MYB: variants seen among roughly 807,000 people sequenced by gnomAD.
MYB encodes the protein MYB proto-oncogene, transcription factor, also known as transcriptional activator Myb.
A neutral mutation model predicts 92.9 loss-of-function variants in MYB; 28 were observed. The ratio of observed to expected loss-of-function variants is 0.30; its 90% CI spans 0.22 to 0.41. The LOEUF (loss-of-function observed/expected upper bound fraction) is 0.41, where lower values mean the gene tolerates loss of function less well. Ranked by LOEUF, MYB falls within the 10% of genes least tolerant of loss-of-function variation. The pLI is 1.00. For missense variants in MYB, 679 were observed against 929.3 expected (o/e 0.73, Z 3.50); for synonymous variants, 295 against 329.1 (o/e 0.90, Z 1.12).
At chr6:135,194,024 G>A in intron 7 of MYB, 106 bp downstream of exon 7, 2 of 901,492 alleles carry the variant, frequency 2.2e-6, no homozygotes, top group Non-Finnish European at 3.5e-6. Flanking sequence ...AAAAAGGAAA[G>A]GGAACATGGA....
chr6:135,186,099 A>G lies in MYB; in HGVS notation c.141+79A>G. ...AAAAACAAAATTTCAACTAAACTAC[A>G]GGTGCTCAAGCTCATTAGCAGGCTC... On this transcript the variant is annotated intron_variant, in intron 2 of 15. Transcript: ENST00000341911. 2.5e-6 allele frequency: 3 copies of G among 1,204,182 alleles called. No individual in the cohort carries two copies. In the South Asian group the frequency reaches 3.9e-5, roughly 16 times the overall value. 74.6% of individuals were successfully genotyped at this position (1,204,182 alleles called of 1,614,324 possible).
intron 15 of MYB, among the ~76,000 whole-genome samples, chr6:135,210,137 T>C (rs984669711): frequency 3.3e-5 from 5 of 152,256 alleles, no homozygotes; most frequent in South Asian, 2.1e-4. Context: ...AAGCACATTA[T>C]GCTAATCAAC....
At position 135,193,920 on chromosome 6, in the gene MYB, T is replaced by C; in HGVS notation, c.843+2T>C. 6.3e-7 allele frequency: 1 copy of C among 1,595,830 alleles called. No individual in the cohort carries two copies. Among genetic ancestry groups the C allele is most frequent in the African/African-American group, 1.3e-5 (1 of 74,626 alleles). ...CAGCCAGCTGCCGCAGCCATTCAGG[T>C]AAGATCATTGATCATTCACTGTTCA... On this transcript the variant is annotated splice_donor_variant, in intron 7 of 15. Coordinates refer to ENST00000341911, the MANE Select transcript of MYB (RefSeq NM_001130173.2). LOFTEE classifies it high-confidence loss of function.
Position 135,182,669 on chromosome 6 carries a change from C to A in MYB, c.23+1133C>A, listed in dbSNP as rs1775253339. Among the ~76,000 whole-genome samples, 1 of 152,230 alleles carries A rather than the reference C, an allele frequency of 6.6e-6. No homozygotes were observed. The highest frequency in any genetic ancestry group is 2.1e-4 in the South Asian group (1 of 4,832). On this transcript the variant is annotated intron_variant, in intron 1 of 15. Transcript: ENST00000341911. This position sits in a 1 kb window ranked among gnomAD's most constrained non-coding sequence, Gnocchi z 5.6. The stretch of plus-strand genomic sequence containing the variant: ...AGACCCTCGCGAAGGAGTTCTAAGG[C>A]GAAGTCCATGGAGGCAAAGCAAATC...
At chr6:135,184,076 A>T (rs1471955188) in intron 1 of MYB, among the ~76,000 whole-genome samples, 1 of 152,142 alleles carries the variant, frequency 6.6e-6, no homozygotes, top group Non-Finnish European at 1.5e-5. Flanking sequence ...CTGGGTTGTT[A>T]AACCGCTGCG....
rs1225545813 is a variant in MYB at position 135,190,793 on chromosome 6, T to C, written c.527+446T>C. On this transcript the variant is annotated intron_variant, in intron 5 of 15. Coordinates refer to ENST00000341911, the MANE Select transcript of MYB (RefSeq NM_001130173.2). This position sits in a 1 kb window ranked among gnomAD's most constrained non-coding sequence, Gnocchi z 4.5. ...ACCATCATTCATTTCTTTTATTTTT[T>C]TTAATTATTATTTTTTAGAGACAGA... 6.6e-6 allele frequency among the ~76,000 whole-genome samples: 1 copy of C among 152,174 alleles called. No individual in the cohort carries two copies. The highest frequency in any genetic ancestry group is 1.9e-4 in the East Asian group (1 of 5,200).
In MYB at chr6:135,182,831, T is replaced by C. The variant is rs1224831051; in HGVS notation, c.23+1295T>C. 6.8e-6 allele frequency among the ~76,000 whole-genome samples: 1 copy of C among 148,034 alleles called. No homozygotes were observed. Among genetic ancestry groups the C allele is most frequent in the Non-Finnish European group, 1.5e-5 (1 of 67,052 alleles). On this transcript the variant is annotated intron_variant, in intron 1 of 15. Coordinates refer to ENST00000341911, the MANE Select transcript of MYB (RefSeq NM_001130173.2). This position sits in a 1 kb window ranked among gnomAD's most constrained non-coding sequence, Gnocchi z 5.6. ...CTGCAGCAGCACCCGCGGGCTGGGC[T>C]GGGCGGGGAGCAGCGCCGGGGCTTG...
At chr6:135,200,882 T>C (rs987193894) in intron 13 of MYB, among the ~76,000 whole-genome samples, 1 of 152,010 alleles carries the variant, frequency 6.6e-6, no homozygotes, top group South Asian at 2.1e-4. Flanking sequence ...TTCGAGATCA[T>C]CCTGGCTAAC....
intron 15 of MYB, among the ~76,000 whole-genome samples, chr6:135,208,880 C>T (rs1272892560): frequency 1.3e-5 from 2 of 152,150 alleles, no homozygotes; most frequent in African/African-American, 4.8e-5. Flanking sequence ...GAAACAATTT[C>T]ACACATTGCA....
chr6:135,218,042 T>C lies in MYB; in HGVS notation c.*62T>C. On this transcript the variant is annotated 3_prime_UTR_variant, in exon 16 of 16. Transcript: ENST00000341911. ...TTCAAGTTGACTTGGGATATATCATTCCTCAACATGAAACTTTTCATGAAT... is the reference window on the plus strand; with the variant it reads ...TTCAAGTTGACTTGGGATATATCATCCCTCAACATGAAACTTTTCATGAAT... 1 of 1,303,314 alleles carries C rather than the reference T, an allele frequency of 7.7e-7. No individual in the cohort carries two copies. Among genetic ancestry groups the C allele is most frequent in the Non-Finnish European group, 1.1e-6 (1 of 899,058 alleles). 80.7% of individuals were successfully genotyped at this position (1,303,314 alleles called of 1,614,324 possible).
intron 15 of MYB, chr6:135,203,856 C>A: frequency 8.1e-7 from 1 of 1,230,038 alleles, no homozygotes. Flanking sequence ...TGACCATCTG[C>A]TGTCAGGTTT....
chr6:135,183,072 T>G (rs1469018156), intron 1 of MYB, among the ~76,000 whole-genome samples: 2 of 91,266 alleles, frequency 2.2e-5, no homozygotes, highest in Non-Finnish European at 4.2e-5. Context: ...CGGGCAGGGG[T>G]GCTGGGAGGA....
Position 135,203,244 on chromosome 6 carries a change from G to C in MYB, c.2089G>C (p.Ala697Pro). 6.2e-7 allele frequency: 1 copy of C among 1,608,916 alleles called. No individual in the cohort carries two copies. Among genetic ancestry groups the C allele is most frequent in the Non-Finnish European group, 8.5e-7 (1 of 1,175,866 alleles). Residue 697 changes from alanine (A) to proline (P), a missense_variant, in exon 15 of 16, where the codon GCA (alanine) becomes CCA (proline). By Grantham distance (27) the Ala-to-Pro change is conservative (BLOSUM62 -1). Around this residue, in one of 8 missense-constraint regions of MYB, gnomAD observed 402 missense variants for 434.2 expected, o/e 0.93. Transcript: ENST00000341911. ...TATTCTTACAAGCTCCGTTTTAATG[G>C]CACCAGCATCAGAAGATGAAGACAA... is the stretch of plus-strand genomic sequence containing the variant. ...PNILTSSVLM[A>P]PASEDEDNVL...
At chr6:135,203,069 A>C in intron 14 of MYB, 148 bp from the exon 15 acceptor site, 1 of 701,896 alleles carries the variant, frequency 1.4e-6, no homozygotes, top group Non-Finnish European at 2.6e-6. Context: ...CTTTTAGCTC[A>C]TAGTGGGGAG....
In MYB at chr6:135,197,123, T is replaced by C; in HGVS notation, c.1366T>C (p.Leu456=). The change falls in exon 10 of 16, where the codon TTG becomes CTG. Residue 456 remains leucine (L), a synonymous_variant. Transcript: ENST00000341911. ...TAGCCCAAGGGTGAACAAACGTATG[T>C]TGAGTGAGAGTTCACTTGACCCACC... ...EPSPRVNKRM[L]SESSLDPPKV... The C allele has an allele frequency of 6.2e-7, 1 of 1,613,990 alleles. No individual in the cohort carries two copies. The highest frequency in any genetic ancestry group is 8.5e-7 in the Non-Finnish European group (1 of 1,179,884).
At position 135,181,630 on chromosome 6, in the gene MYB, A is replaced by T; in HGVS notation, c.23+94A>T. 1.1e-6 allele frequency: 1 copy of T among 936,696 alleles called. No homozygotes were observed. Among genetic ancestry groups the T allele is most frequent in the Non-Finnish European group, 1.3e-6 (1 of 743,104 alleles). 58.0% of individuals were successfully genotyped at this position (936,696 alleles called of 1,614,324 possible). A position where few individuals can be genotyped will look rare whatever the true frequency, so the allele number is the denominator to read the frequency against. On this transcript the variant is annotated intron_variant, in intron 1 of 15. Transcript: ENST00000341911. The surrounding 1 kb of genome is among the most constrained non-coding windows in gnomAD (Gnocchi z 5.3). ...GGAGCAGGTGGGAATTCGTTCCGGG[A>T]TCATCTGAGGGGCTGTCAGACCCTC...
At chr6:135,200,245 A>G in intron 12 of MYB, 45 bp from the exon 13 acceptor site, 1 of 1,613,978 alleles carries the variant, frequency 6.2e-7, no homozygotes, top group Non-Finnish European at 8.5e-7. Flanking sequence ...TATTAGTCCC[A>G]TTAGGAGTTC....
intron 14 of MYB, chr6:135,202,849 T>G (rs1256768330): frequency 2.2e-6 from 1 of 463,726 alleles, no homozygotes; most frequent in African/African-American, 2.0e-5. Flanking sequence ...TCTAAAATAT[T>G]GATAGTTCTG....
intron 10 of MYB, among the ~76,000 whole-genome samples, chr6:135,198,691 G>A (rs916226708): frequency 1.3e-5 from 2 of 152,164 alleles, no homozygotes; most frequent in Admixed American, 1.3e-4. Flanking sequence ...TTTCAGCAAT[G>A]ACCCTAAATT....
Sources: gnomAD v4.1 joint callset for allele counts (sites outside exome capture counted in the v4.1 genomes callset) on GRCh38, gnomAD v4.1.1 for gene constraint, gnomAD v4.1.1 regional missense constraint, Gnocchi (gnomAD v3.1) non-coding constraint, MANE v1.5 for transcripts, NCBI Gene and HGNC (gene_info 2026-07-23, HGNC 2026-07-21) for gene names.